BICD1: variants seen among roughly 807,000 people sequenced by gnomAD.
BICD1 encodes protein bicaudal D homolog 1.
A neutral mutation model predicts 92.5 loss-of-function variants in BICD1; 35 were observed. The ratio of observed to expected loss-of-function variants is 0.38; its 90% CI spans 0.29 to 0.50. BICD1 has a LOEUF of 0.50. Among genes scored for constraint, BICD1 ranks in the 20% least tolerant of loss-of-function variants. The probability of loss-of-function intolerance (pLI) is 0.93; values close to 1 mark genes in which losing one functional copy is unlikely to be tolerated. For synonymous variants in BICD1, 429 were observed against 465.1 expected, an observed-to-expected ratio of 0.92 and a Z score of 1.00; for missense variants, 950 against 1,189.8, an observed-to-expected ratio of 0.80 and a Z score of 2.97.
chr12:32,284,520 G>A (rs532519677), intron 2 of BICD1, among the ~76,000 whole-genome samples: 2 of 152,204 alleles, frequency 1.3e-5, no homozygotes, highest in African/African-American at 4.8e-5. Flanking sequence ...TCCCCGATCT[G>A]TCCCCTCCGT....
intron 1 of BICD1, among the ~76,000 whole-genome samples, chr12:32,122,831 G>A (rs924350577): frequency 3.0e-4 from 46 of 152,332 alleles, no homozygotes; most frequent in Middle Eastern, 3.4e-3. Context: ...AAAATCTTAA[G>A]ATGTATTTAA....
chr12:32,126,086 G>T (rs190373619), intron 1 of BICD1, among the ~76,000 whole-genome samples: 1 of 149,908 alleles, frequency 6.7e-6, no homozygotes, highest in African/African-American at 2.4e-5. Flanking sequence ...CATCAAATCT[G>T]ACTTTTGCCT....
At chr12:32,267,896 T>C (rs1322197209) in intron 2 of BICD1, among the ~76,000 whole-genome samples, 1 of 152,216 alleles carries the variant, frequency 6.6e-6, no homozygotes, top group Non-Finnish European at 1.5e-5. Context: ...CTCTAACTCC[T>C]GGGCTCAAGT....
chr12:32,170,004 G>A (rs1245170614), intron 1 of BICD1, among the ~76,000 whole-genome samples: 1 of 152,210 alleles, frequency 6.6e-6, no homozygotes, highest in Admixed American at 6.5e-5. Flanking sequence ...CGAGAATGTG[G>A]AGTTGACACG....
At chr12:32,118,484 A>C (rs1000964631) in intron 1 of BICD1, among the ~76,000 whole-genome samples, 4 of 152,198 alleles carry the variant, frequency 2.6e-5, no homozygotes, top group African/African-American at 9.6e-5. Context: ...TATTTGGAAA[A>C]AAAATTGCAT....
chr12:32,339,804 A>G (rs1938289945), intron 8 of BICD1: 2 of 984,888 alleles, frequency 2.0e-6, no homozygotes, highest in African/African-American at 1.7e-5. Flanking sequence ...AATAAAAAAT[A>G]AAACTATTTA....
In BICD1 at chr12:32,335,392, T is replaced by C. The variant is rs565415514; in HGVS notation, c.2252+725T>C. On this transcript the variant is annotated intron_variant, in intron 6 of 9. Coordinates refer to ENST00000652176, the MANE Select transcript of BICD1 (RefSeq NM_001714.4). ...GTCTCGATTTCCTGACCTCATGATCTGCCCGCCTCGGCCTCCCAAAGTGCT... is the reference window on the plus strand; with the variant it reads ...GTCTCGATTTCCTGACCTCATGATCCGCCCGCCTCGGCCTCCCAAAGTGCT... 4.6e-5 allele frequency among the ~76,000 whole-genome samples: 7 copies of C among 152,016 alleles called. No individual in the cohort carries two copies. In the East Asian group the frequency reaches 5.8e-4, roughly 13 times the overall value.
chr12:32,132,415 C>CAAA (rs34771538), intron 1 of BICD1, among the ~76,000 whole-genome samples: 5 of 109,390 alleles, frequency 4.6e-5, no homozygotes, highest in Non-Finnish European at 7.0e-5. Context: ...GACTCTGTCT[C>CAAA]AAAAAAAAAA....
intron 2 of BICD1, among the ~76,000 whole-genome samples, chr12:32,231,808 A>G (rs528474598): frequency 1.1e-3 from 152 of 141,908 alleles, no homozygotes; most frequent in African/African-American, 3.8e-3. Flanking sequence ...TCATTGTTCA[A>G]TTCCCACCTA....
chr12:32,221,663 G>A (rs1716523647), intron 2 of BICD1, among the ~76,000 whole-genome samples: 1 of 151,722 alleles, frequency 6.6e-6, no homozygotes, highest in Admixed American at 6.6e-5. Flanking sequence ...CCTGGCGACA[G>A]AGCGAGACTC....
intron 4 of BICD1, among the ~76,000 whole-genome samples, chr12:32,322,193 A>G (rs1215350066): frequency 2.0e-5 from 3 of 152,014 alleles, no homozygotes; most frequent in Admixed American, 6.6e-5. Flanking sequence ...ATATATAGAT[A>G]GATAGATATG....
At chr12:32,277,108 C>T (rs1259599875) in intron 2 of BICD1, among the ~76,000 whole-genome samples, 1 of 152,170 alleles carries the variant, frequency 6.6e-6, no homozygotes, top group Admixed American at 6.6e-5. Flanking sequence ...AAAACGGTAA[C>T]TGTGGCCAGG....
Position 32,305,738 on chromosome 12 carries a change from G to T in BICD1, c.621G>T (p.Glu207Asp). Reference protein sequence around the residue: ...EGLKHEIKRFEEETVLLNSQL... With the variant: ...EGLKHEIKRFDEETVLLNSQL... ...TAAAGCATGAGATTAAGCGATTTGA[G>T]GAGGAGACGGTACTGCTGAACAGCC... is the stretch of plus-strand genomic sequence containing the variant. Residue 207 changes from glutamate to aspartate, a missense_variant, in exon 4 of 10, where the codon GAG (glutamate) becomes GAT (aspartate). By Grantham distance (45) the Glu-to-Asp change is conservative. Coordinates refer to ENST00000652176, the MANE Select transcript of BICD1 (RefSeq NM_001714.4). 1 of 1,613,918 alleles carries T rather than the reference G, an allele frequency of 6.2e-7. No individual in the cohort carries two copies.
chr12:32,318,554 C>G (rs1218344497), intron 4 of BICD1, among the ~76,000 whole-genome samples: 1 of 152,118 alleles, frequency 6.6e-6, no homozygotes, highest in East Asian at 1.9e-4. Context: ...TTTTGCACTT[C>G]TTTTGTTAAA....
intron 1 of BICD1, among the ~76,000 whole-genome samples, chr12:32,193,970 A>G (rs1028199486): frequency 1.3e-5 from 2 of 152,192 alleles, no homozygotes; most frequent in South Asian, 4.2e-4. Flanking sequence ...CAGCGAACCT[A>G]ATTCAACAGC....
chr12:32,190,015 A>G (rs1944522525), intron 1 of BICD1, among the ~76,000 whole-genome samples: 1 of 152,106 alleles, frequency 6.6e-6, no homozygotes, highest in African/African-American at 2.4e-5. Flanking sequence ...GAATTTTTGT[A>G]TGCAATTGAA....
chr12:32,122,296 G>A (rs760650178), intron 1 of BICD1, among the ~76,000 whole-genome samples: 10 of 151,850 alleles, frequency 6.6e-5, no homozygotes, highest in Non-Finnish European at 1.0e-4. Context: ...AGACCATCCT[G>A]ACTAACATGG....
chr12:32,217,994 T>C (rs892740948), intron 2 of BICD1, among the ~76,000 whole-genome samples: 1 of 152,144 alleles, frequency 6.6e-6, no homozygotes, highest in African/African-American at 2.4e-5. Context: ...ATGTGACCAA[T>C]GAGTCGAGTA....
At chr12:32,257,744 C>A (rs961065562) in intron 2 of BICD1, among the ~76,000 whole-genome samples, 1 of 152,122 alleles carries the variant, frequency 6.6e-6, no homozygotes, top group Non-Finnish European at 1.5e-5. Flanking sequence ...AAATTACTAT[C>A]CACAGTAAAT....
Sources: allele counts gnomAD v4.1 joint callset (sites outside exome capture counted in the v4.1 genomes callset), GRCh38; gene constraint gnomAD v4.1.1; transcripts MANE v1.5; gene names NCBI Gene and HGNC (gene_info 2026-07-23, HGNC 2026-07-21).